The following PLEKHG7 variants were observed in gnomAD, a reference collection of about 807,000 sequenced individuals.
The protein encoded by PLEKHG7 is pleckstrin homology and RhoGEF domain containing G7, also known as pleckstrin homology domain-containing family G member 7.
Under a neutral mutation model 85.2 loss-of-function variants are expected in PLEKHG7, and 77 were observed. The ratio of observed to expected loss-of-function variants is 0.90; its 90% CI spans 0.75 to 1.09. The LOEUF is 1.09. Ranked by LOEUF, PLEKHG7 falls within the 50% of genes least tolerant of loss-of-function variation. PLEKHG7 has a pLI of 0.00. For missense variants in PLEKHG7, 777 were observed against 804.3 expected, an observed-to-expected ratio of 0.97 and a Z score of 0.41; for synonymous variants, 301 against 302.4, an observed-to-expected ratio of 1.00 and a Z score of 0.05.
At chr12:92,721,487 C>T (rs1041454747) in intron 3 of PLEKHG7, 1 of 1,228,766 alleles carries the variant, frequency 8.1e-7, no homozygotes, top group Non-Finnish European at 1.0e-6. Context: ...GGACTAGTCC[C>T]TTCGGATCTG....
intron 16 of PLEKHG7, among the ~76,000 whole-genome samples, chr12:92,769,353 C>A (rs1038429784): frequency 1.3e-5 from 2 of 152,142 alleles, no homozygotes; most frequent in African/African-American, 2.4e-5. Context: ...AGTTCTCCTG[C>A]AGAAGCTCAA....
At chr12:92,727,315 A>G (rs963759205) in intron 3 of PLEKHG7, among the ~76,000 whole-genome samples, 1 of 152,274 alleles carries the variant, frequency 6.6e-6, no homozygotes, top group South Asian at 2.1e-4. Flanking sequence ...TTCCACGGGT[A>G]TATTGCATCA....
chr12:92,767,239 T>C (rs189778250), intron 15 of PLEKHG7, among the ~76,000 whole-genome samples: 47 of 152,356 alleles, frequency 3.1e-4, no homozygotes, highest in Non-Finnish European at 5.4e-4. Flanking sequence ...AAAAGAGCTA[T>C]TCTTGCCTGT....
At chr12:92,713,187 C>A (rs969137311) in intron 3 of PLEKHG7, among the ~76,000 whole-genome samples, 1 of 152,194 alleles carries the variant, frequency 6.6e-6, no homozygotes, top group Non-Finnish European at 1.5e-5. Flanking sequence ...CTCAAGGGGA[C>A]CTGGCCTTCC....
chr12:92,727,344 T>C (rs7306636), intron 3 of PLEKHG7, among the ~76,000 whole-genome samples: 69,958 of 151,992 alleles, frequency 0.46, 17,332 homozygotes, highest in East Asian at 0.89. Flanking sequence ...ATCAGACTTC[T>C]AGTGTACCCA....
chr12:92,710,262 G>T (rs1871342031), intron 3 of PLEKHG7, among the ~76,000 whole-genome samples: 1 of 152,168 alleles, frequency 6.6e-6, no homozygotes, highest in African/African-American at 2.4e-5. Context: ...CTTTGTCCCA[G>T]CCCTGCAAAG....
chr12:92,734,253 G>C (rs1872074299), intron 5 of PLEKHG7, among the ~76,000 whole-genome samples: 1 of 152,002 alleles, frequency 6.6e-6, no homozygotes, highest in Non-Finnish European at 1.5e-5. Flanking sequence ...CCAATCTTTA[G>C]AGATTTTTCT....
intron 7 of PLEKHG7, among the ~76,000 whole-genome samples, chr12:92,738,446 G>A (rs910245975): frequency 1.2e-4 from 19 of 152,200 alleles, no homozygotes; most frequent in Non-Finnish European, 1.5e-5. Flanking sequence ...GTTTTGCCTT[G>A]TGACCTTAGA....
At chr12:92,712,289 G>A (rs923671017) in intron 3 of PLEKHG7, among the ~76,000 whole-genome samples, 6 of 152,208 alleles carry the variant, frequency 3.9e-5, no homozygotes, top group Admixed American at 3.9e-4. Context: ...CCCTGAGGCA[G>A]GACAGTAATG....
intron 13 of PLEKHG7, among the ~76,000 whole-genome samples, chr12:92,759,945 A>G (rs1872938190): frequency 6.6e-6 from 1 of 152,052 alleles, no homozygotes; most frequent in South Asian, 2.1e-4. Flanking sequence ...TGACAACTCC[A>G]CTCCATGAAG....
intron 10 of PLEKHG7, among the ~76,000 whole-genome samples, chr12:92,746,510 C>T (rs777732662): frequency 3.9e-5 from 6 of 152,106 alleles, no homozygotes; most frequent in Admixed American, 1.3e-4. Flanking sequence ...GTTTTTTTTG[C>T]TACTCAAACT....
rs1318812980 is a variant in PLEKHG7, at chr12:92,737,429, C to T, written c.847C>T (p.Gln283Ter). Reference protein sequence around the residue: ...LETHHKLPTDQLDLKKQQEAV... With the variant: ...LETHHKLPTD ...AACACATCACAAACTCCCGACCGAT[C>T]AATTAGACCTGAAAAAGCAGCAAGA... Residue 283 changes from glutamine (Q) to a stop codon, truncating the protein, a stop_gained, in exon 7 of 17, where the codon CAA becomes TAA. Transcript: ENST00000344636. LOFTEE classifies it high-confidence loss of function. 1.9e-6 allele frequency: 3 copies of T among 1,578,666 alleles called. No homozygotes were observed. The highest frequency in any genetic ancestry group is 2.6e-6 in the Non-Finnish European group (3 of 1,169,430).
At chr12:92,768,926 T>C in intron 15 of PLEKHG7, 57 bp from the exon 16 acceptor site, 1 of 1,235,388 alleles carries the variant, frequency 8.1e-7, no homozygotes, top group Non-Finnish European at 1.1e-6. Context: ...ACTAAGAAAT[T>C]GTTTGGATTT....
At chr12:92,737,566 TG>T (rs757932861) in intron 7 of PLEKHG7, 45 bp downstream of exon 7, 51 of 1,576,552 alleles carry the variant, frequency 3.2e-5, no homozygotes, top group Non-Finnish European at 4.2e-5. Context: ...AATATTAATT[TG>T]TTTTTTTGGG....
intron 10 of PLEKHG7, among the ~76,000 whole-genome samples, chr12:92,749,912 T>TTTTA (rs1872639399): frequency 7.0e-6 from 1 of 142,024 alleles, no homozygotes; most frequent in African/African-American, 2.6e-5. Context: ...ATTTCATTTA[T>TTTTA]TTTATTTTAT....
intron 3 of PLEKHG7, among the ~76,000 whole-genome samples, chr12:92,727,011 C>T (rs2136588521): frequency 6.6e-6 from 1 of 152,296 alleles, no homozygotes; most frequent in South Asian, 2.1e-4. Context: ...TCAGAACAAG[C>T]AGGGTGCATT....
intron 3 of PLEKHG7, among the ~76,000 whole-genome samples, chr12:92,712,627 C>G (rs2136573145): frequency 6.6e-6 from 1 of 151,410 alleles, no homozygotes; most frequent in Non-Finnish European, 1.5e-5. Context: ...ACAATCCCTC[C>G]AGGGATGCGA....
At chr12:92,755,598 A>G (rs1872803288) in intron 11 of PLEKHG7, among the ~76,000 whole-genome samples, 1 of 152,198 alleles carries the variant, frequency 6.6e-6, no homozygotes, top group Admixed American at 6.5e-5. Flanking sequence ...CTTTCAAACT[A>G]CTGAATTAAA....
At chr12:92,705,041 A>G (rs995377821) in intron 1 of PLEKHG7, among the ~76,000 whole-genome samples, 2 of 152,254 alleles carry the variant, frequency 1.3e-5, no homozygotes, top group Admixed American at 6.5e-5. Context: ...TCTATTCACA[A>G]GGTTGTTGGA....
Sources: gnomAD v4.1 joint callset for allele counts (sites outside exome capture counted in the v4.1 genomes callset) on GRCh38, gnomAD v4.1.1 for gene constraint, MANE v1.5 for transcripts, NCBI Gene and HGNC (gene_info 2026-07-23, HGNC 2026-07-21) for gene names.